Variants in GRAMD1B observed in about 807,000 individuals in gnomAD.
GRAMD1B encodes the protein protein Aster-B.
Under a neutral mutation model 99.7 loss-of-function variants are expected in GRAMD1B, and 37 were observed. That is an observed-to-expected ratio of 0.37 (90% CI 0.29 to 0.49). GRAMD1B has a LOEUF of 0.49. Among genes scored for constraint, GRAMD1B ranks in the 20% least tolerant of loss-of-function variants. The probability of loss-of-function intolerance (pLI) is 0.98; values close to 1 mark genes in which losing one functional copy is unlikely to be tolerated. For synonymous variants in GRAMD1B, 427 were observed against 387.6 expected (o/e 1.10, Z -1.19); for missense variants, 888 against 1,009.2 (o/e 0.88, Z 1.63).
At chr11:123,589,905 G>A (rs944341459) in intron 4 of GRAMD1B, among the ~76,000 whole-genome samples, 5 of 152,184 alleles carry the variant, frequency 3.3e-5, no homozygotes, top group Non-Finnish European at 7.4e-5. Flanking sequence ...TGGCAAGGTG[G>A]CAGAGCTGGG....
intron 19 of GRAMD1B, 84 bp downstream of exon 19, chr11:123,619,308 C>CT (rs774574841): frequency 2.8e-5 from 43 of 1,534,140 alleles, no homozygotes; most frequent in Non-Finnish European, 3.8e-5. Context: ...ATCCTCGTCT[C>CT]TATCACCACC....
At chr11:123,378,628 TG>T (rs545305616) in intron 1 of GRAMD1B, among the ~76,000 whole-genome samples, 163 of 152,296 alleles carry the variant, frequency 1.1e-3, no homozygotes, top group African/African-American at 3.7e-3. Context: ...AGACCAAAAC[TG>T]TCATGGTTCG....
intron 1 of GRAMD1B, among the ~76,000 whole-genome samples, chr11:123,461,442 T>C (rs1950408308): frequency 6.6e-6 from 1 of 152,190 alleles, no homozygotes; most frequent in African/African-American, 2.4e-5. Context: ...AGACTCCCCC[T>C]TGGGCTGCAG....
intron 1 of GRAMD1B, among the ~76,000 whole-genome samples, chr11:123,462,006 G>A (rs1489296804): frequency 2.2e-5 from 3 of 135,086 alleles, no homozygotes; most frequent in African/African-American, 8.4e-5. Context: ...TTGCTCTGTC[G>A]CCCAGGCTGG....
chr11:123,582,588 T>C (rs1480820190), intron 3 of GRAMD1B, among the ~76,000 whole-genome samples: 1 of 152,140 alleles, frequency 6.6e-6, no homozygotes, highest in Admixed American at 6.5e-5. Context: ...CGAGGGCATG[T>C]GTGAGGACGA....
chr11:123,607,023 C>T (rs932564587), intron 11 of GRAMD1B, among the ~76,000 whole-genome samples: 2 of 152,166 alleles, frequency 1.3e-5, no homozygotes, highest in East Asian at 3.8e-4. Context: ...AGTCTTGTCA[C>T]TAAATGTTCC....
chr11:123,399,933 G>A (rs1355039401), intron 1 of GRAMD1B, among the ~76,000 whole-genome samples: 1 of 152,080 alleles, frequency 6.6e-6, no homozygotes, highest in Non-Finnish European at 1.5e-5. Context: ...TTTTACAATA[G>A]CATCCTAACT....
At chr11:123,359,666 C>T (rs1211205048) in intron 1 of GRAMD1B, among the ~76,000 whole-genome samples, 1 of 152,046 alleles carries the variant, frequency 6.6e-6, no homozygotes, top group African/African-American at 2.4e-5. Context: ...CCACCCAAGG[C>T]CCAGTATTGA....
At chr11:123,548,996 T>A (rs907060698) in intron 2 of GRAMD1B, among the ~76,000 whole-genome samples, 2 of 152,094 alleles carry the variant, frequency 1.3e-5, no homozygotes, top group Non-Finnish European at 2.9e-5. Context: ...TCCCACCCCC[T>A]CATGGCAGTG....
At chr11:123,615,162 CAG>C (rs1265527688) in intron 17 of GRAMD1B, among the ~76,000 whole-genome samples, 1 of 152,166 alleles carries the variant, frequency 6.6e-6, no homozygotes, top group Non-Finnish European at 1.5e-5. Context: ...TAAATGCTAA[CAG>C]AGAAATGCTA....
intron 1 of GRAMD1B, among the ~76,000 whole-genome samples, chr11:123,421,938 A>G (rs943099434): frequency 6.6e-6 from 1 of 152,198 alleles, no homozygotes; most frequent in African/African-American, 2.4e-5. Context: ...ATCATGCCAG[A>G]CTCAGATATT....
At chr11:123,559,129 C>T (rs1313456510) in intron 2 of GRAMD1B, among the ~76,000 whole-genome samples, 1 of 152,214 alleles carries the variant, frequency 6.6e-6, no homozygotes, top group East Asian at 1.9e-4. Flanking sequence ...ACGTGGGCAT[C>T]GCCTGGGGTT....
intron 1 of GRAMD1B, among the ~76,000 whole-genome samples, chr11:123,373,392 T>C (rs1946591846): frequency 6.6e-6 from 1 of 152,184 alleles, no homozygotes; most frequent in Non-Finnish European, 1.5e-5. Flanking sequence ...CTCTCTGTGA[T>C]CTGCCCAGAA....
intron 1 of GRAMD1B, among the ~76,000 whole-genome samples, chr11:123,456,998 G>C (rs999074404): frequency 4.6e-5 from 7 of 150,946 alleles, no homozygotes; most frequent in Non-Finnish European, 1.0e-4. Context: ...TGTGGTCCCA[G>C]GTACTCGGGA....
At chr11:123,415,970 C>G (rs1395681700) in intron 1 of GRAMD1B, among the ~76,000 whole-genome samples, 1 of 152,104 alleles carries the variant, frequency 6.6e-6, no homozygotes, top group Non-Finnish European at 1.5e-5. Context: ...ACTGAGGTTT[C>G]TTTAGTTTTT....
intron 1 of GRAMD1B, among the ~76,000 whole-genome samples, chr11:123,373,125 T>G (rs1946582256): frequency 6.6e-6 from 1 of 152,012 alleles, no homozygotes; most frequent in African/African-American, 2.4e-5. Context: ...GGCCACAGAG[T>G]GAGACTCTGT....
chr11:123,552,159 T>TG (rs1298896469), intron 2 of GRAMD1B, among the ~76,000 whole-genome samples: 1 of 150,814 alleles, frequency 6.6e-6, no homozygotes, highest in Non-Finnish European at 1.5e-5. Context: ...TTCTTGCTTG[T>TG]GGTCATTCAA....
chr11:123,429,270 C>T (rs2134155841), upstream of GRAMD1B, among the ~76,000 whole-genome samples: 1 of 152,190 alleles, frequency 6.6e-6, no homozygotes, highest in African/African-American at 2.4e-5. This position sits in a 1 kb window ranked among gnomAD's most constrained non-coding sequence, Gnocchi z 4.0. Context: ...AGGAGAATGG[C>T]TGCTACAGCC....
intron 1 of GRAMD1B, among the ~76,000 whole-genome samples, chr11:123,457,136 A>AGAAAGAAAGAAAGAAT (rs1469694489): frequency 1.3e-5 from 2 of 149,052 alleles, no homozygotes; most frequent in Non-Finnish European, 3.0e-5. Flanking sequence ...AAAGAAAGAA[A>AGAAAGAAAGAAAGAAT]GAATTAGAAC....
Sources: gnomAD v4.1 joint callset for allele counts (sites outside exome capture counted in the v4.1 genomes callset) on GRCh38, gnomAD v4.1.1 for gene constraint, Gnocchi (gnomAD v3.1) non-coding constraint, MANE v1.5 for transcripts, NCBI Gene and HGNC (gene_info 2026-07-23, HGNC 2026-07-21) for gene names.